MYO5A: variants seen among roughly 807,000 people sequenced by gnomAD.
MYO5A encodes unconventional myosin-Va.
In MYO5A, 98 loss-of-function variants were observed where a neutral mutation model predicts 249.7. That is an observed-to-expected ratio of 0.39 (90% CI 0.33 to 0.46). The LOEUF is 0.46. MYO5A is among the 20% of genes least tolerant of loss of function. MYO5A has a pLI of 0.98. For synonymous variants in MYO5A, 778 were observed against 810.6 expected (o/e 0.96, Z 0.68); for missense variants, 1,696 against 2,308.8 (o/e 0.73, Z 5.44).
chr15:52,407,799 A>C (rs1179640865), intron 7 of MYO5A, among the ~76,000 whole-genome samples: 1 of 152,104 alleles, frequency 6.6e-6, no homozygotes, highest in Non-Finnish European at 1.5e-5. Context: ...AGAGAGACTA[A>C]TAGAATGAGC....
chr15:52,421,729 A>C (rs1182201553), intron 4 of MYO5A, among the ~76,000 whole-genome samples: 1 of 152,214 alleles, frequency 6.6e-6, no homozygotes, highest in Non-Finnish European at 1.5e-5. Flanking sequence ...CATAAAGATA[A>C]CAAATGCATA....
chr15:52,351,044 T>A (rs1246879068), intron 28 of MYO5A, among the ~76,000 whole-genome samples: 1 of 152,220 alleles, frequency 6.6e-6, no homozygotes. Context: ...AACTTTGTGA[T>A]CATTTGGGAT....
rs3764231 is a variant in MYO5A at position 52,372,942 on chromosome 15, G to C, written c.2578-579C>G. 4.7e-4 allele frequency among the ~76,000 whole-genome samples: 70 copies of C among 150,120 alleles called. 4 individuals are homozygous for C. The East Asian group carries it at 0.013, about 29-fold the overall frequency. ...CAACACTTGGGGTACTAAAAAGTTT[G>C]TACTGATTTATTGATTTTTTTTTTT... is the stretch of plus-strand genomic sequence containing the variant. On this transcript the variant is annotated intron_variant, in intron 20 of 41. Coordinates refer to ENST00000399233, the MANE Select transcript of MYO5A (RefSeq NM_001382347.1).
chr15:52,405,493 C>T, intron 8 of MYO5A, 100 bp from the exon 9 acceptor site: 1 of 858,534 alleles, frequency 1.2e-6, no homozygotes, highest in Non-Finnish European at 1.9e-6. Flanking sequence ...CTGAATATTG[C>T]CAGATGTTGT....
chr15:52,434,768 T>C (rs2075624836), intron 1 of MYO5A, among the ~76,000 whole-genome samples: 1 of 152,222 alleles, frequency 6.6e-6, no homozygotes, highest in Non-Finnish European at 1.5e-5. Context: ...ACACTAAACC[T>C]AAATGCCCAT....
At chr15:52,461,731 G>T (rs1356322754) in intron 1 of MYO5A, among the ~76,000 whole-genome samples, 1 of 152,156 alleles carries the variant, frequency 6.6e-6, no homozygotes, top group African/African-American at 2.4e-5. Flanking sequence ...GGGAGGCTGA[G>T]GTGGGCAGAT....
chr15:52,323,205 T>C (rs1364813113), intron 37 of MYO5A, 150 bp downstream of exon 37: 1 of 663,134 alleles, frequency 1.5e-6, no homozygotes, highest in Non-Finnish European at 2.8e-6. Context: ...GCTTCATAGA[T>C]AGTGAACATC....
At chr15:52,384,566 A>T (rs1401500140) in intron 14 of MYO5A, among the ~76,000 whole-genome samples, 1 of 152,246 alleles carries the variant, frequency 6.6e-6, no homozygotes, top group East Asian at 1.9e-4. Context: ...CAAAGTCAAA[A>T]CTACTGCACC....
chr15:52,441,599 C>A (rs148449321), intron 1 of MYO5A, among the ~76,000 whole-genome samples: 1 of 152,242 alleles, frequency 6.6e-6, no homozygotes, highest in Admixed American at 6.5e-5. Context: ...TTTCCTCCAT[C>A]TGAAACACAA....
At chr15:52,391,847 T>G in intron 12 of MYO5A, 83 bp downstream of exon 12, 2 of 1,408,446 alleles carry the variant, frequency 1.4e-6, no homozygotes, top group South Asian at 2.3e-5. Flanking sequence ...GATATACTAA[T>G]GAATCTCTCC....
chr15:52,503,309 A>G (rs1346252247), intron 1 of MYO5A, among the ~76,000 whole-genome samples: 1 of 152,190 alleles, frequency 6.6e-6, no homozygotes, highest in African/African-American at 2.4e-5. Context: ...AAATATGTAC[A>G]TCTATTATGT....
Position 52,447,402 on chromosome 15 carries a change from G to C in MYO5A, c.28-14117C>G, listed in dbSNP as rs543749544. On this transcript the variant is annotated intron_variant, in intron 1 of 41. Coordinates refer to ENST00000399233, the MANE Select transcript of MYO5A (RefSeq NM_001382347.1). ...AGCCATGGTTTCTGTACATCCTGCA[G>C]AACCATGAGCCAATTAAACCTCTTT... Among the ~76,000 whole-genome samples, 8 of 152,270 alleles carry C rather than the reference G, an allele frequency of 5.3e-5. No homozygotes were observed. In the South Asian group the frequency reaches 1.7e-3, roughly 32 times the overall value.
chr15:52,423,476 C>T (rs1470493196), intron 4 of MYO5A, among the ~76,000 whole-genome samples: 2 of 151,556 alleles, frequency 1.3e-5, no homozygotes, highest in Admixed American at 6.6e-5. Flanking sequence ...GGCGTGAACC[C>T]GGGAGGCGGA....
Position 52,490,713 on chromosome 15 carries a change from A to ATGT in MYO5A, c.27+38064_27+38066dup, listed in dbSNP as rs533878327. 4.4e-3 allele frequency among the ~76,000 whole-genome samples: 665 copies of ATGT among 151,898 alleles called. 3 individuals carry two copies. Among genetic ancestry groups the ATGT allele is most frequent in the South Asian group, 6.3e-3 (30 of 4,798 alleles). On this transcript the variant is annotated intron_variant, in intron 1 of 41. Coordinates refer to ENST00000399233, the MANE Select transcript of MYO5A (RefSeq NM_001382347.1). ...TTTTAGAGATTGGTTGTACAACAAT[A>ATGT]TGTTGTTGTTGTTGTTGTTGTTTGA...
At chr15:52,393,660 C>T (rs1019703160) in intron 11 of MYO5A, among the ~76,000 whole-genome samples, 10 of 152,162 alleles carry the variant, frequency 6.6e-5, no homozygotes, top group Non-Finnish European at 1.0e-4. Context: ...CCCAAAGTGC[C>T]GGAATTACAG....
chr15:52,333,073 C>T (rs2038962990), intron 34 of MYO5A, among the ~76,000 whole-genome samples: 1 of 152,192 alleles, frequency 6.6e-6, no homozygotes, highest in Non-Finnish European at 1.5e-5. Context: ...CAACAAGGCA[C>T]CTGCCATCTC....
chr15:52,363,319 A>T (rs2040631608), intron 24 of MYO5A, among the ~76,000 whole-genome samples: 2 of 152,218 alleles, frequency 1.3e-5, no homozygotes, highest in Admixed American at 6.5e-5. Flanking sequence ...TAGGAAGATG[A>T]AGCTTAACAA....
At chr15:52,528,715 G>C in intron 1 of MYO5A, 65 bp downstream of exon 1, 1 of 1,476,286 alleles carries the variant, frequency 6.8e-7, no homozygotes, top group Non-Finnish European at 8.9e-7. Flanking sequence ...CCCCTCCCCA[G>C]CCTGACAGCT....
At chr15:52,436,003 C>T (rs183749832) in intron 1 of MYO5A, among the ~76,000 whole-genome samples, 62 of 152,270 alleles carry the variant, frequency 4.1e-4, no homozygotes, top group African/African-American at 1.5e-3. Context: ...TTGCAGCCTC[C>T]GCTTCTGGGG....
Sources: allele counts gnomAD v4.1 joint callset (sites outside exome capture counted in the v4.1 genomes callset), GRCh38; gene constraint gnomAD v4.1.1; transcripts MANE v1.5; gene names NCBI Gene and HGNC (gene_info 2026-07-23, HGNC 2026-07-21).